The following KCND2 variants were observed in gnomAD, a reference collection of about 807,000 sequenced individuals.
KCND2 encodes potassium voltage-gated channel subfamily D member 2, also known as A-type voltage-gated potassium channel KCND2.
Under a neutral mutation model 54.4 loss-of-function variants are expected in KCND2, and 16 were observed. The observed-to-expected ratio is 0.29, with a 90% CI of 0.20 to 0.45. The LOEUF (loss-of-function observed/expected upper bound fraction) is 0.45. Ranked by LOEUF, KCND2 falls within the 20% of genes least tolerant of loss-of-function variation. The pLI, the probability that KCND2 is intolerant of heterozygous loss-of-function variation, is 1.00. For missense variants in KCND2, 486 were observed against 824.2 expected (o/e 0.59, Z 5.02); for synonymous variants, 317 against 310.7 (o/e 1.02, Z -0.21).
At chr7:120,521,597 C>G (rs1166658887) in intron 1 of KCND2, among the ~76,000 whole-genome samples, 1 of 152,128 alleles carries the variant, frequency 6.6e-6, no homozygotes, top group Non-Finnish European at 1.5e-5. Context: ...GTTCATTTCT[C>G]AGTCTCTAAA....
chr7:120,561,468 G>A (rs1401886529), intron 1 of KCND2, among the ~76,000 whole-genome samples: 1 of 151,940 alleles, frequency 6.6e-6, no homozygotes, highest in African/African-American at 2.4e-5. Flanking sequence ...TATAACTATT[G>A]TCATCTGTAT....
intron 1 of KCND2, among the ~76,000 whole-genome samples, chr7:120,620,672 T>C (rs1192579347): frequency 6.6e-6 from 1 of 152,194 alleles, no homozygotes; most frequent in Non-Finnish European, 1.5e-5. Context: ...AGTCATAATT[T>C]CTTGATCCAA....
At chr7:120,595,460 A>AATAT (rs1390964580) in intron 1 of KCND2, among the ~76,000 whole-genome samples, 5 of 112,950 alleles carry the variant, frequency 4.4e-5, no homozygotes, top group East Asian at 2.2e-4. Context: ...CCAAAAAAAA[A>AATAT]ATATATATAT....
chr7:120,481,778 G>C (rs1802611292), intron 1 of KCND2, among the ~76,000 whole-genome samples: 1 of 152,142 alleles, frequency 6.6e-6, no homozygotes, highest in African/African-American at 2.4e-5. Context: ...GTAAATTTTG[G>C]TGGTGTCCAT....
In KCND2 at chr7:120,553,166, G is replaced by A. The variant is rs186158742; in HGVS notation, c.1116-179737G>A. ...CAAAATACCTTTATTTCCTCCTCCC[G>A]TTCAGATCTTGGCAACCACTAATCT... On this transcript the variant is annotated intron_variant, in intron 1 of 5. Coordinates refer to ENST00000331113, the MANE Select transcript of KCND2 (RefSeq NM_012281.3). Among the ~76,000 whole-genome samples, 8 of 152,100 alleles carry A rather than the reference G, an allele frequency of 5.3e-5. No individual in the cohort carries two copies. In the South Asian group the frequency reaches 6.2e-4, roughly 12 times the overall value.
intron 1 of KCND2, among the ~76,000 whole-genome samples, chr7:120,543,305 T>TC (rs1792004429): frequency 6.6e-6 from 1 of 151,944 alleles, no homozygotes; most frequent in Admixed American, 6.6e-5. Context: ...TCCTCATTTT[T>TC]CCCCAGCAGA....
intron 1 of KCND2, among the ~76,000 whole-genome samples, chr7:120,513,449 A>G (rs1223758174): frequency 6.6e-6 from 1 of 152,134 alleles, no homozygotes; most frequent in Non-Finnish European, 1.5e-5. Flanking sequence ...GGTTGTATCT[A>G]TGTGAAAATT....
rs988257076 is a variant in KCND2 at position 120,608,586 on chromosome 7, T to G, written c.1116-124317T>G. Among the ~76,000 whole-genome samples the G allele has an allele frequency of 2.6e-5, 4 of 152,160 alleles. No individual in the cohort carries two copies. The East Asian group carries it at 7.7e-4, about 29-fold the overall frequency. On this transcript the variant is annotated intron_variant, in intron 1 of 5. Coordinates refer to ENST00000331113, the MANE Select transcript of KCND2 (RefSeq NM_012281.3). The stretch of plus-strand genomic sequence containing the variant: ...ACAATGCTGAGCTTCAGTATAATAT[T>G]CAATGTACATTTGTCTTGTTTTCCT...
intron 1 of KCND2, among the ~76,000 whole-genome samples, chr7:120,430,954 ATATC>A (rs1156971978): frequency 6.6e-6 from 1 of 152,210 alleles, no homozygotes; most frequent in Non-Finnish European, 1.5e-5. Context: ...TTCTGTACAA[ATATC>A]TAATGTGGCA....
At chr7:120,603,556 G>T (rs1792841510) in intron 1 of KCND2, among the ~76,000 whole-genome samples, 1 of 152,160 alleles carries the variant, frequency 6.6e-6, no homozygotes, top group Non-Finnish European at 1.5e-5. Flanking sequence ...CCAGGGAGAA[G>T]TAGCATAGGG....
intron 1 of KCND2, among the ~76,000 whole-genome samples, chr7:120,669,067 A>C (rs992694854): frequency 6.6e-6 from 1 of 152,112 alleles, no homozygotes; most frequent in African/African-American, 2.4e-5. Context: ...TAATAATTGT[A>C]AAATATTAAG....
chr7:120,455,203 A>G (rs933546497), intron 1 of KCND2, among the ~76,000 whole-genome samples: 1 of 152,190 alleles, frequency 6.6e-6, no homozygotes, highest in Admixed American at 6.5e-5. Flanking sequence ...ATTTATGTAG[A>G]ACCAAAAAAG....
At chr7:120,318,418 G>C (rs1799845582) in intron 1 of KCND2, among the ~76,000 whole-genome samples, 1 of 152,110 alleles carries the variant, frequency 6.6e-6, no homozygotes, top group Admixed American at 6.6e-5. Flanking sequence ...TATGAAAGGT[G>C]AATAGCATTC....
At chr7:120,606,852 A>G (rs1792888616) in intron 1 of KCND2, among the ~76,000 whole-genome samples, 1 of 152,078 alleles carries the variant, frequency 6.6e-6, no homozygotes, top group African/African-American at 2.4e-5. Context: ...TTTGTTCTTG[A>G]TTTTCAAAAT....
At chr7:120,708,705 T>C (rs889721709) in intron 1 of KCND2, among the ~76,000 whole-genome samples, 4 of 152,222 alleles carry the variant, frequency 2.6e-5, no homozygotes, top group African/African-American at 9.6e-5. Context: ...CTACTAATGT[T>C]TTATAGCTGA....
chr7:120,359,747 C>G (rs1800566735), intron 1 of KCND2, among the ~76,000 whole-genome samples: 3 of 152,004 alleles, frequency 2.0e-5, no homozygotes, highest in East Asian at 1.9e-4. Flanking sequence ...ATTGTAATCC[C>G]CATAATCCCC....
chr7:120,284,308 C>T (rs1411410038), intron 1 of KCND2, among the ~76,000 whole-genome samples: 11 of 151,982 alleles, frequency 7.2e-5, no homozygotes, highest in African/African-American at 1.2e-4. Context: ...CACACACACA[C>T]GCGCGCACAC....
At chr7:120,701,533 C>T (rs1333024753) in intron 1 of KCND2, among the ~76,000 whole-genome samples, 3 of 152,090 alleles carry the variant, frequency 2.0e-5, no homozygotes, top group African/African-American at 4.8e-5. Flanking sequence ...GGAGGCATCA[C>T]GCTACCCAAA....
intron 1 of KCND2, among the ~76,000 whole-genome samples, chr7:120,416,575 A>T (rs1011373031): frequency 1.4e-4 from 22 of 152,182 alleles, no homozygotes; most frequent in African/African-American, 5.1e-4. Flanking sequence ...TTCAGTAAAC[A>T]TTTACTGAGT....
Sources: gnomAD v4.1 joint callset for allele counts (sites outside exome capture counted in the v4.1 genomes callset) on GRCh38, gnomAD v4.1.1 for gene constraint, MANE v1.5 for transcripts, NCBI Gene and HGNC (gene_info 2026-07-23, HGNC 2026-07-21) for gene names.